The following LPIN2 variants were observed in gnomAD, a reference collection of about 807,000 sequenced individuals.
The protein encoded by LPIN2 is lipin 2.
Under a neutral mutation model 111.4 loss-of-function variants are expected in LPIN2, and 55 were observed. The observed-to-expected ratio is 0.49, with a 90% CI of 0.40 to 0.62. The LOEUF (loss-of-function observed/expected upper bound fraction) is 0.62. Among genes scored for constraint, LPIN2 ranks in the 20% least tolerant of loss-of-function variants. The pLI is 0.00. For missense variants in LPIN2, 992 were observed against 1,112.1 expected, an observed-to-expected ratio of 0.89 and a Z score of 1.54; for synonymous variants, 425 against 414.0, an observed-to-expected ratio of 1.03 and a Z score of -0.32.
Position 2,930,615 on chromosome 18 carries a change from T to A in LPIN2, c.1456+641A>T, listed in dbSNP as rs2077200071. 2.6e-5 allele frequency among the ~76,000 whole-genome samples: 4 copies of A among 152,020 alleles called. No individual in the cohort carries two copies. The South Asian group carries it at 8.3e-4, about 32-fold the overall frequency. On this transcript the variant is annotated intron_variant, in intron 9 of 19. Coordinates refer to ENST00000677752, the MANE Select transcript of LPIN2 (RefSeq NM_001375808.2). ...ATCATACAGGGGCCACAGGCCAAAC[T>A]GAGAAATACTAAGAGTTCAGTTTTA...
chr18:2,998,610 GAGGAAGAGC>G (rs767883725), intron 1 of LPIN2, among the ~76,000 whole-genome samples: 3 of 152,116 alleles, frequency 2.0e-5, no homozygotes, highest in African/African-American at 4.8e-5. Context: ...TGAAGAGAGG[GAGGAAGAGC>G]AGGAAGAGCC....
intron 1 of LPIN2, among the ~76,000 whole-genome samples, chr18:2,974,368 C>G (rs994168960): frequency 6.6e-6 from 1 of 152,208 alleles, no homozygotes; most frequent in South Asian, 2.1e-4. Flanking sequence ...CGTGAGCCAC[C>G]GCGCCTGGGC....
intron 3 of LPIN2, 106 bp from the exon 4 acceptor site, chr18:2,951,462 A>G (rs1027610020): frequency 5.0e-5 from 33 of 660,536 alleles, no homozygotes; most frequent in Non-Finnish European, 8.0e-5. Context: ...AAAAAAAAAA[A>G]ATACATATTC....
chr18:2,996,516 C>A, intron 1 of LPIN2, among the ~76,000 whole-genome samples: 1 of 125,224 alleles, frequency 8.0e-6, no homozygotes, highest in Admixed American at 8.8e-5. Context: ...CTCTCTCTGT[C>A]ACCCAGGCTG....
intron 1 of LPIN2, among the ~76,000 whole-genome samples, chr18:3,003,924 T>C (rs2078471841): frequency 6.6e-6 from 1 of 152,218 alleles, no homozygotes; most frequent in Non-Finnish European, 1.5e-5. Context: ...TGAATTCTTT[T>C]CCCAGCAAGG....
intron 4 of LPIN2, among the ~76,000 whole-genome samples, chr18:2,943,943 T>C (rs771796854): frequency 3.3e-5 from 5 of 152,202 alleles, no homozygotes; most frequent in Non-Finnish European, 5.9e-5. Flanking sequence ...TCTGTAAATT[T>C]TTCTTTGTAA....
intron 9 of LPIN2, among the ~76,000 whole-genome samples, chr18:2,930,362 C>A (rs1378190751): frequency 1.3e-5 from 2 of 152,124 alleles, no homozygotes; most frequent in African/African-American, 4.8e-5. Flanking sequence ...AACCATTGGC[C>A]ATAACACACT....
intron 3 of LPIN2, 94 bp from the exon 4 acceptor site, chr18:2,951,450 A>G: frequency 1.6e-3 from 5 of 3,110 alleles, no homozygotes; most frequent in Non-Finnish European, 7.5e-3. Context: ...TCACCATGGT[A>G]AAAAAAAAAA....
chr18:2,966,813 C>G (rs1191131474), intron 1 of LPIN2, among the ~76,000 whole-genome samples: 1 of 152,152 alleles, frequency 6.6e-6, no homozygotes, highest in Non-Finnish European at 1.5e-5. Context: ...CTCCTGGGAG[C>G]GCCACATGTC....
Position 2,929,175 on chromosome 18 carries a change from T to C in LPIN2, c.1457-17A>G. On this transcript the variant is annotated splice_polypyrimidine_tract_variant and intron_variant, in intron 9 of 19. Coordinates refer to ENST00000677752, the MANE Select transcript of LPIN2 (RefSeq NM_001375808.2). Reference sequence around the variant, plus strand: ...TGAATTTTTCTGCAATGTAAAATAATAATCAATTTGGTTAGAGATTACATA... The same window carrying C: ...TGAATTTTTCTGCAATGTAAAATAACAATCAATTTGGTTAGAGATTACATA... The C allele has an allele frequency of 6.8e-7, 1 of 1,475,410 alleles. No individual in the cohort carries two copies. The highest frequency in any genetic ancestry group is 9.5e-7 in the Non-Finnish European group (1 of 1,054,156). 91.4% of individuals were successfully genotyped at this position (1,475,410 alleles called of 1,614,324 possible). A position where few individuals can be genotyped will look rare whatever the true frequency, so the allele number is the denominator to read the frequency against.
At chr18:3,000,977 G>C (rs2078427085) in intron 1 of LPIN2, among the ~76,000 whole-genome samples, 1 of 134,154 alleles carries the variant, frequency 7.5e-6, no homozygotes, top group Non-Finnish European at 1.6e-5. Flanking sequence ...AAAAGAGGGG[G>C]GAGAGGGAGG....
intron 1 of LPIN2, 110 bp from the exon 2 acceptor site, chr18:2,960,959 A>G (rs1568575759): frequency 1.3e-5 from 11 of 855,820 alleles, no homozygotes; most frequent in African/African-American, 3.9e-5. Context: ...GCCAGATTTC[A>G]TATCATTAGC....
chr18:2,919,119 C>G lies in LPIN2; in HGVS notation c.*1174G>C, dbSNP rs558356823. 2.6e-5 allele frequency: 4 copies of G among 152,294 alleles called. No homozygotes were observed. Among genetic ancestry groups the G allele is most frequent in the South Asian group, 2.1e-4 (1 of 4,826 alleles). The allele number at this position is 152,294 out of a possible 1,614,324, so 9.4% of individuals were successfully genotyped here. ...CGATGTGAGCTCATTACAACCGCAT[C>G]AGTAAATGGAGCTACCATGTATATT... is the stretch of plus-strand genomic sequence containing the variant. On this transcript the variant is annotated 3_prime_UTR_variant, in exon 20 of 20. Transcript: ENST00000677752.
At chr18:2,926,519 G>C (rs1050726407) in intron 13 of LPIN2, among the ~76,000 whole-genome samples, 2 of 151,454 alleles carry the variant, frequency 1.3e-5, no homozygotes, top group Non-Finnish European at 2.9e-5. Flanking sequence ...GCTCCACAAG[G>C]AGGCAGGGTA....
At chr18:2,921,938 C>T (rs779373022) in intron 17 of LPIN2, 109 bp downstream of exon 17, 14 of 1,394,058 alleles carry the variant, frequency 1.0e-5, no homozygotes, top group East Asian at 7.5e-5. Flanking sequence ...CTGGGAGAGG[C>T]GTGGCGGCTC....
chr18:2,975,916 C>A (rs1259701435), intron 1 of LPIN2, among the ~76,000 whole-genome samples: 1 of 152,062 alleles, frequency 6.6e-6, no homozygotes, highest in African/African-American at 2.4e-5. Context: ...TGAATTTTAT[C>A]CAAAATTCAA....
chr18:2,958,996 G>T (rs1487415679), intron 2 of LPIN2, among the ~76,000 whole-genome samples: 1 of 151,992 alleles, frequency 6.6e-6, no homozygotes, highest in Non-Finnish European at 1.5e-5. Flanking sequence ...ACAACTAATG[G>T]GAAATTTCAG....
At chr18:2,990,473 G>A (rs1222895281) in intron 1 of LPIN2, among the ~76,000 whole-genome samples, 1 of 152,096 alleles carries the variant, frequency 6.6e-6, no homozygotes, top group Admixed American at 6.5e-5. Context: ...ATGGGCAAAG[G>A]ATCTAGATAA....
Position 2,920,398 on chromosome 18 carries a change from G to T in LPIN2, c.2586C>A (p.Pro862=). The change falls in exon 20 of 20, where the codon CCC becomes CCA. Residue 862 remains proline (P), a synonymous_variant. Transcript: ENST00000677752. ...CGGAATTCTGCTCCTTACTGAGAAG[G>T]GGGAACACATGCTCCACGAGCTCAC... ...RLSELVEHVF[P]LLSKEQNSAF... is the part of the protein sequence containing the mutation. 6.2e-7 allele frequency: 1 copy of T among 1,613,962 alleles called. No homozygotes were observed. Among genetic ancestry groups the T allele is most frequent in the African/African-American group, 1.3e-5 (1 of 75,060 alleles).
Sources: gnomAD v4.1 joint callset for allele counts (sites outside exome capture counted in the v4.1 genomes callset) on GRCh38, gnomAD v4.1.1 for gene constraint, MANE v1.5 for transcripts, NCBI Gene and HGNC (gene_info 2026-07-23, HGNC 2026-07-21) for gene names.